The following CLSTN2 variants were observed in gnomAD, a reference collection of about 807,000 sequenced individuals.
The protein encoded by CLSTN2 is calsyntenin 2, also known as calsyntenin-2.
CLSTN2 carries 48 observed loss-of-function variants against 101.2 expected under a neutral mutation model. The ratio of observed to expected loss-of-function variants is 0.47; its 90% confidence interval spans 0.38 to 0.60. CLSTN2 has a LOEUF of 0.60. Ranked by LOEUF, CLSTN2 falls within the 20% of genes least tolerant of loss-of-function variation. The pLI is 0.00. For missense variants in CLSTN2, 1,160 were observed against 1,238.2 expected, an observed-to-expected ratio of 0.94 and a Z score of 0.95; for synonymous variants, 481 against 463.6, an observed-to-expected ratio of 1.04 and a Z score of -0.48.
At chr3:140,304,523 C>T (rs902650203) in intron 2 of CLSTN2, among the ~76,000 whole-genome samples, 1 of 152,162 alleles carries the variant, frequency 6.6e-6, no homozygotes, top group African/African-American at 2.4e-5. Context: ...GACACTAATC[C>T]CACCATGAGG....
chr3:140,299,330 G>A (rs958849437), intron 2 of CLSTN2, among the ~76,000 whole-genome samples: 1 of 152,068 alleles, frequency 6.6e-6, no homozygotes, highest in Non-Finnish European at 1.5e-5. Context: ...GGAATCCTTA[G>A]CCAAAAAAGA....
At chr3:140,352,634 G>A (rs2087621813) in intron 2 of CLSTN2, among the ~76,000 whole-genome samples, 1 of 152,166 alleles carries the variant, frequency 6.6e-6, no homozygotes. Context: ...ACTCATAAAA[G>A]CCTCTAAGAC....
At chr3:140,270,898 A>C (rs555858035) in intron 2 of CLSTN2, among the ~76,000 whole-genome samples, 1 of 152,100 alleles carries the variant, frequency 6.6e-6, no homozygotes, top group African/African-American at 2.4e-5. Context: ...CCCTATCATC[A>C]TGCTTCTCCA....
chr3:139,947,201 G>C (rs951614654), intron 1 of CLSTN2, among the ~76,000 whole-genome samples: 1 of 152,192 alleles, frequency 6.6e-6, no homozygotes, highest in African/African-American at 2.4e-5. Context: ...ATGAAATCTA[G>C]TGTAGAAAAA....
In CLSTN2 at chr3:140,566,209, A is replaced by T; in HGVS notation, c.2824A>T (p.Arg942Trp). 6.3e-7 allele frequency: 1 copy of T among 1,595,564 alleles called. No individual in the cohort carries two copies. The highest frequency in any genetic ancestry group is 1.1e-5 in the South Asian group (1 of 88,606). ...GRGRHGQNGA[R>W]QAQLEWDDST... ...AGGCAGACATGGGCAGAATGGAGCC[A>T]GGCAAGCCCAGCTGGAGTGGGATGA... The change falls in exon 17 of 17, where the codon AGG becomes TGG. Residue 942 changes from arginine to tryptophan, a missense_variant. Physicochemically the swap from Arg to Trp is moderately radical, Grantham distance 101. Transcript: ENST00000458420.
Position 140,171,643 on chromosome 3 carries a change from T to G in CLSTN2, c.110-4308T>G, listed in dbSNP as rs1181300388. On this transcript the variant is annotated intron_variant, in intron 1 of 16. Coordinates refer to ENST00000458420, the MANE Select transcript of CLSTN2 (RefSeq NM_022131.3). ...TATATAATATGTATTATATATTATA[T>G]ATAATACGTATTATATATTATATAT... Among the ~76,000 whole-genome samples, 7 of 99,542 alleles carry G rather than the reference T, an allele frequency of 7.0e-5. No individual in the cohort carries two copies. The South Asian group carries it at 1.8e-3, about 25-fold the overall frequency. 65.3% of individuals were successfully genotyped at this position (99,542 alleles called of 152,430 possible).
chr3:139,943,384 T>C (rs987279491), intron 1 of CLSTN2, among the ~76,000 whole-genome samples: 3 of 152,190 alleles, frequency 2.0e-5, no homozygotes, highest in African/African-American at 7.2e-5. Context: ...GGTGGCAGCA[T>C]GTATGCCAGT....
In CLSTN2 at chr3:140,366,805, G is replaced by A. The variant is rs545955415; in HGVS notation, c.233-36824G>A. 5.9e-5 allele frequency among the ~76,000 whole-genome samples: 9 copies of A among 152,258 alleles called. No individual in the cohort carries two copies. The South Asian group carries it at 1.9e-3, about 32-fold the overall frequency. ...TACTCAGGACCTTTCTTATATATTTGGATTTTTCCCTTGTAGCGTCAGGGA... is the reference window on the plus strand; with the variant it reads ...TACTCAGGACCTTTCTTATATATTTAGATTTTTCCCTTGTAGCGTCAGGGA... On this transcript the variant is annotated intron_variant, in intron 2 of 16. Coordinates refer to ENST00000458420, the MANE Select transcript of CLSTN2 (RefSeq NM_022131.3).
intron 2 of CLSTN2, among the ~76,000 whole-genome samples, chr3:140,279,776 A>T (rs759383308): frequency 9.9e-5 from 15 of 152,182 alleles, no homozygotes; most frequent in Non-Finnish European, 1.8e-4. Context: ...AATAGCTCCT[A>T]TTGGCATTCC....
intron 2 of CLSTN2, among the ~76,000 whole-genome samples, chr3:140,176,551 G>A (rs2010327875): frequency 6.6e-6 from 1 of 152,240 alleles, no homozygotes; most frequent in African/African-American, 2.4e-5. Context: ...CCAAGTGGGT[G>A]TGTCTCTGCA....
intron 2 of CLSTN2, among the ~76,000 whole-genome samples, chr3:140,184,377 G>A (rs907726472): frequency 4.6e-5 from 7 of 152,160 alleles, no homozygotes; most frequent in African/African-American, 1.4e-4. Context: ...TAAACTCATG[G>A]CAGAAGGGGA....
intron 1 of CLSTN2, among the ~76,000 whole-genome samples, chr3:140,017,565 T>A (rs1362608698): frequency 6.6e-6 from 1 of 152,174 alleles, no homozygotes; most frequent in African/African-American, 2.4e-5. Flanking sequence ...CCCCTCCACC[T>A]CCAGGCACAT....
At chr3:139,980,344 C>G (rs1367951726) in intron 1 of CLSTN2, among the ~76,000 whole-genome samples, 2 of 152,078 alleles carry the variant, frequency 1.3e-5, no homozygotes, top group African/African-American at 2.4e-5. Flanking sequence ...ACTTGCCGTT[C>G]CCTGATGGAC....
chr3:139,952,678 C>G, intron 1 of CLSTN2, among the ~76,000 whole-genome samples: 1 of 152,152 alleles, frequency 6.6e-6, no homozygotes, highest in African/African-American at 2.4e-5. Context: ...GCATGGTGTT[C>G]TTGCATCTCT....
intron 1 of CLSTN2, among the ~76,000 whole-genome samples, chr3:140,075,795 A>T (rs1321160281): frequency 2.0e-5 from 3 of 151,956 alleles, no homozygotes; most frequent in Non-Finnish European, 4.4e-5. Context: ...GTCACTGGGG[A>T]TGTGAACAAG....
intron 2 of CLSTN2, among the ~76,000 whole-genome samples, chr3:140,261,095 T>A (rs944942196): frequency 6.6e-6 from 1 of 152,196 alleles, no homozygotes; most frequent in Non-Finnish European, 1.5e-5. Context: ...TACTCATTTT[T>A]CCCTGCCCTC....
chr3:140,566,609 T>C lies in CLSTN2; in HGVS notation c.*356T>C. 3.3e-6 allele frequency: 1 copy of C among 304,078 alleles called. No individual in the cohort carries two copies. The highest frequency in any genetic ancestry group is 6.4e-6 in the Non-Finnish European group (1 of 156,606). The allele number at this position is 304,078 out of a possible 1,614,324, so 18.8% of individuals were successfully genotyped here. ...GTCACTCACCTCCCCAGGCTCAGAG[T>C]CCCCAAGGCCCTGGGGTTCCAACTC... On this transcript the variant is annotated 3_prime_UTR_variant, in exon 17 of 17. Transcript: ENST00000458420.
chr3:140,184,877 T>C (rs990117809), intron 2 of CLSTN2, among the ~76,000 whole-genome samples: 6 of 152,130 alleles, frequency 3.9e-5, no homozygotes, highest in African/African-American at 1.4e-4. Context: ...GGCCGATAAA[T>C]GACAAATTTT....
intron 5 of CLSTN2, among the ~76,000 whole-genome samples, chr3:140,444,502 A>C (rs971612956): frequency 6.6e-6 from 1 of 152,122 alleles, no homozygotes; most frequent in Admixed American, 6.5e-5. Flanking sequence ...TCATTTGTGC[A>C]ATTAAGATAC....
Sources: gnomAD v4.1 joint callset for allele counts (sites outside exome capture counted in the v4.1 genomes callset) on GRCh38, gnomAD v4.1.1 for gene constraint, MANE v1.5 for transcripts, NCBI Gene and HGNC (gene_info 2026-07-23, HGNC 2026-07-21) for gene names.